Variants in PKN2 observed in about 807,000 individuals in gnomAD.
The protein encoded by PKN2 is protein kinase N2.
PKN2 carries 38 observed loss-of-function variants against 119.1 expected under a neutral mutation model. The ratio of observed to expected loss-of-function variants is 0.32; its 90% confidence interval spans 0.25 to 0.42. The LOEUF (loss-of-function observed/expected upper bound fraction) is 0.42, where lower values mean the gene tolerates loss of function less well. PKN2 is among the 10% of genes least tolerant of loss of function. The pLI is 1.00. For synonymous variants in PKN2, 390 were observed against 384.9 expected, an observed-to-expected ratio of 1.01 and a Z score of -0.15; for missense variants, 850 against 1,165.1, an observed-to-expected ratio of 0.73 and a Z score of 3.94.
intron 1 of PKN2, among the ~76,000 whole-genome samples, chr1:88,737,664 T>C (rs1307350680): frequency 1.3e-5 from 2 of 152,142 alleles, no homozygotes; most frequent in Non-Finnish European, 2.9e-5. Flanking sequence ...GGTTTCCACA[T>C]AGTATCGGGA....
chr1:88,701,948 A>T (rs1666786322), intron 1 of PKN2, among the ~76,000 whole-genome samples: 1 of 152,014 alleles, frequency 6.6e-6, no homozygotes, highest in African/African-American at 2.4e-5. Context: ...GGGAGTGGTC[A>T]TTTGTTTTGT....
At chr1:88,832,686 T>C in intron 19 of PKN2, 58 bp from the exon 20 acceptor site, 1 of 877,820 alleles carries the variant, frequency 1.1e-6, no homozygotes, top group East Asian at 2.5e-5. Context: ...TTTGAATGGG[T>C]GATAAGATTT....
chr1:88,759,893 C>T (rs1424273123), intron 2 of PKN2, among the ~76,000 whole-genome samples: 1 of 152,130 alleles, frequency 6.6e-6, no homozygotes, highest in East Asian at 1.9e-4. Flanking sequence ...AGCCCAGAAC[C>T]AGAGGGGTTC....
chr1:88,773,002 T>G (rs1178151648), intron 6 of PKN2, among the ~76,000 whole-genome samples: 1 of 152,204 alleles, frequency 6.6e-6, no homozygotes, highest in African/African-American at 2.4e-5. Context: ...CATGTATGTT[T>G]ACAATTTTTA....
chr1:88,724,953 G>A (rs1278806316), intron 1 of PKN2, among the ~76,000 whole-genome samples: 1 of 148,366 alleles, frequency 6.7e-6, no homozygotes, highest in Non-Finnish European at 1.5e-5. Context: ...CTGGAGTACG[G>A]TGGCACAATC....
intron 1 of PKN2, among the ~76,000 whole-genome samples, chr1:88,698,687 A>G (rs1666640613): frequency 6.6e-6 from 1 of 152,216 alleles, no homozygotes; most frequent in Admixed American, 6.5e-5. Context: ...TTTCTCTTCA[A>G]TTAGTCCTAC....
intron 9 of PKN2, 145 bp downstream of exon 9, chr1:88,804,679 A>G (rs550027750): frequency 9.5e-6 from 8 of 841,222 alleles, no homozygotes; most frequent in Non-Finnish European, 1.5e-5. Context: ...TAGGTATGTG[A>G]CTTTGAGACA....
rs1405538644 is a variant in PKN2, at chr1:88,771,817, G to A, written c.923G>A (p.Arg308His). ...LVAASPTLSP[R>H]QSMISTQNQY... The stretch of plus-strand genomic sequence containing the variant: ...GCTGCATCACCAACACTAAGTCCAC[G>A]TCAAAGTATGATATCTACGCAAAAT... Residue 308 changes from arginine to histidine, a missense_variant, in exon 6 of 22, where the codon CGT (arginine) becomes CAT (histidine). By Grantham distance (29) the Arg-to-His change is conservative (BLOSUM62 0). This residue lies in a region of PKN2 where 350 missense variants were observed against 511.1 expected (regional missense o/e 0.68). Coordinates refer to ENST00000370521, the MANE Select transcript of PKN2 (RefSeq NM_006256.4). 38 of 1,613,750 alleles carry A rather than the reference G, an allele frequency of 2.4e-5. No individual in the cohort carries two copies. Among genetic ancestry groups the A allele is most frequent in the Non-Finnish European group, 3.1e-5 (37 of 1,179,930 alleles).
chr1:88,702,032 C>T (rs1320719850), intron 1 of PKN2, among the ~76,000 whole-genome samples: 1 of 152,182 alleles, frequency 6.6e-6, no homozygotes, highest in South Asian at 2.1e-4. Context: ...AATCCGGGCT[C>T]ACTGCAACCT....
chr1:88,818,506 G>A (rs1672107031), intron 16 of PKN2, among the ~76,000 whole-genome samples: 1 of 151,944 alleles, frequency 6.6e-6, no homozygotes, highest in Non-Finnish European at 1.5e-5. Context: ...AAATTAGATA[G>A]GCATGGTGGT....
chr1:88,694,415 C>G (rs1379145634), intron 1 of PKN2, among the ~76,000 whole-genome samples: 1 of 152,146 alleles, frequency 6.6e-6, no homozygotes, highest in Non-Finnish European at 1.5e-5. Context: ...TAGAAATAAG[C>G]ATTTAATTTT....
At position 88,804,896 on chromosome 1, in the gene PKN2, A is replaced by G. The variant is rs1213231751; in HGVS notation, c.1476A>G (p.Gln492=). The G allele has an allele frequency of 1.3e-6, 2 of 1,564,996 alleles. No individual in the cohort carries two copies. Among genetic ancestry groups the G allele is most frequent in the Non-Finnish European group, 1.7e-6 (2 of 1,143,470 alleles). The change falls in exon 10 of 22, where the codon CAA becomes CAG. Residue 492 remains glutamine (Q), a synonymous_variant. Transcript: ENST00000370521. Reference sequence around the variant, plus strand: ...AAAGAAGACCAAAACTTCAAAGACAAAAGAAAATTTTTTCAAAGCAACAAG... The same window carrying G: ...AAAGAAGACCAAAACTTCAAAGACAGAAGAAAATTTTTTCAAAGCAACAAG... ...VIERRPKLQR[Q]KKIFSKQQGK...
At position 88,835,426 on chromosome 1, in the gene PKN2, AACTG is replaced by A. The variant is rs1218104224; in HGVS notation, c.*1981_*1984del. On this transcript the variant is annotated 3_prime_UTR_variant, in exon 22 of 22. Coordinates refer to ENST00000370521, the MANE Select transcript of PKN2 (RefSeq NM_006256.4). ...TCTAAAATAGGCTCTTAGCATTAAAAACTGACAGCATTTCGTAACTACACAGTGT... is the reference window on the plus strand; with the variant it reads ...TCTAAAATAGGCTCTTAGCATTAAAAACAGCATTTCGTAACTACACAGTGT... 1 of 152,424 alleles carries A rather than the reference AACTG, an allele frequency of 6.6e-6. No individual in the cohort carries two copies. The highest frequency in any genetic ancestry group is 2.4e-5 in the African/African-American group (1 of 41,406). 9.4% of individuals were successfully genotyped at this position (152,424 alleles called of 1,614,324 possible).
In PKN2 at chr1:88,813,597, G is replaced by C; in HGVS notation, c.2143G>C (p.Val715Leu). Residue 715 changes from valine to leucine, a missense_variant, in exon 16 of 22, where the codon GTA becomes CTA. By Grantham distance (32) the Val-to-Leu change is conservative. Transcript: ENST00000370521. ...EKRIFETVNS[V>L]RHPFLVNLFA... The stretch of plus-strand genomic sequence containing the variant: ...AAGAATTTTTGAAACTGTGAATAGT[G>C]TAAGGCATCCCTTTTTGGTGAACCT... The C allele has an allele frequency of 6.2e-7, 1 of 1,607,908 alleles. No homozygotes were observed. The highest frequency in any genetic ancestry group is 8.5e-7 in the Non-Finnish European group (1 of 1,177,666).
At position 88,684,603 on chromosome 1, in the gene PKN2, G is replaced by A; in HGVS notation, c.23G>A (p.Gly8Glu). The A allele has an allele frequency of 1.3e-6, 2 of 1,563,926 alleles. No individual in the cohort carries two copies. The highest frequency in any genetic ancestry group is 1.9e-5 in the Admixed American group (1 of 53,938). The change falls in exon 1 of 22, where the codon GGG (glycine) becomes GAG (glutamate). Residue 8 changes from glycine to glutamate, a missense_variant. Physicochemically the swap from Gly to Glu is moderately conservative, Grantham distance 98. Around this residue, in one of 9 missense-constraint regions of PKN2, gnomAD observed 73 missense variants for 61.2 expected, o/e 1.19. Coordinates refer to ENST00000370521, the MANE Select transcript of PKN2 (RefSeq NM_006256.4). ...GCAATGGCGTCCAACCCCGAACGGGGGGAGATTCTGCTCACGGAACTGCAG... is the reference window on the plus strand; with the variant it reads ...GCAATGGCGTCCAACCCCGAACGGGAGGAGATTCTGCTCACGGAACTGCAG... The part of the protein sequence containing the change: MASNPER[G>E]EILLTELQGD...
intron 3 of PKN2, among the ~76,000 whole-genome samples, chr1:88,768,027 TAGAGATG>T (rs1413393297): frequency 1.8e-4 from 24 of 133,720 alleles, no homozygotes; most frequent in African/African-American, 8.1e-4. Flanking sequence ...TGATTAAAAA[TAGAGATG>T]CTTAAATAAT....
At chr1:88,768,955 G>A (rs1227409886) in intron 3 of PKN2, among the ~76,000 whole-genome samples, 1 of 152,218 alleles carries the variant, frequency 6.6e-6, no homozygotes, top group Non-Finnish European at 1.5e-5. Flanking sequence ...GGGAGCAAGA[G>A]AGAGAGGAGG....
intron 1 of PKN2, among the ~76,000 whole-genome samples, chr1:88,706,053 T>TTGCAC (rs1666991516): frequency 6.7e-6 from 1 of 148,270 alleles, no homozygotes; most frequent in Non-Finnish European, 1.5e-5. Context: ...TTGAATGGGG[T>TTGCAC]TGCACTGAAT....
chr1:88,773,788 AAGAAAG>A (rs1481394711), intron 6 of PKN2, among the ~76,000 whole-genome samples: 2 of 152,152 alleles, frequency 1.3e-5, no homozygotes, highest in Non-Finnish European at 1.5e-5. Context: ...CTAAGAAAGA[AAGAAAG>A]AGAGAGAAAC....
Sources: gnomAD v4.1 joint callset for allele counts (sites outside exome capture counted in the v4.1 genomes callset) on GRCh38, gnomAD v4.1.1 for gene constraint, gnomAD v4.1.1 regional missense constraint, MANE v1.5 for transcripts, NCBI Gene and HGNC (gene_info 2026-07-23, HGNC 2026-07-21) for gene names.